TTC23: variants seen among roughly 807,000 people sequenced by gnomAD.
TTC23 encodes the protein tetratricopeptide repeat protein 23.
A neutral mutation model predicts 55.1 loss-of-function variants in TTC23; 58 were observed. The ratio of observed to expected loss-of-function variants is 1.05; its 90% CI spans 0.85 to 1.31. The LOEUF (loss-of-function observed/expected upper bound fraction) is 1.31, where lower values mean the gene tolerates loss of function less well. Among genes scored for constraint, TTC23 ranks in the 50% most tolerant of loss-of-function variants. The pLI, the probability that TTC23 is intolerant of heterozygous loss-of-function variation, is 0.00. For synonymous variants in TTC23, 203 were observed against 199.9 expected (o/e 1.02, Z -0.13); for missense variants, 516 against 534.4 (o/e 0.97, Z 0.34).
intron 2 of TTC23, among the ~76,000 whole-genome samples, chr15:99,242,224 A>G (rs1005375197): frequency 2.6e-5 from 4 of 152,122 alleles, no homozygotes; most frequent in Admixed American, 2.6e-4. Context: ...AAACTTACCC[A>G]TATGTAAGCT....
chr15:99,178,218 AG>A (rs2073786668), intron 9 of TTC23, among the ~76,000 whole-genome samples: 2 of 152,328 alleles, frequency 1.3e-5, no homozygotes, highest in South Asian at 4.1e-4. Flanking sequence ...GAAAGCTTAA[AG>A]GGATCTGAAT....
intron 12 of TTC23, chr15:99,140,580 G>C (rs1427163234): frequency 6.6e-6 from 1 of 152,136 alleles, no homozygotes; most frequent in African/African-American, 2.4e-5. Context: ...ATGTTGGCCA[G>C]GCTGGTCTCA....
chr15:99,243,157 A>G (rs1345393711), intron 2 of TTC23, among the ~76,000 whole-genome samples: 1 of 152,230 alleles, frequency 6.6e-6, no homozygotes, highest in Non-Finnish European at 1.5e-5. Context: ...CCCAATAGGA[A>G]AAAAAATCTA....
intron 12 of TTC23, among the ~76,000 whole-genome samples, chr15:99,147,939 C>T (rs2069150614): frequency 6.6e-6 from 1 of 152,130 alleles, no homozygotes; most frequent in Admixed American, 6.5e-5. Flanking sequence ...GATGGAATTA[C>T]AGGGAACGGA....
At position 99,163,303 on chromosome 15, in the gene TTC23, C is replaced by A. The variant is rs532659450; in HGVS notation, c.866-1436G>T. Among the ~76,000 whole-genome samples, 10 of 152,208 alleles carry A rather than the reference C, an allele frequency of 6.6e-5. No homozygotes were observed. The South Asian group carries it at 2.1e-3, about 32-fold the overall frequency. On this transcript the variant is annotated intron_variant, in intron 10 of 13. Transcript: ENST00000394132. ...GATGGAGAGGGATATAGTGGAAGGA[C>A]CTGAGCAAGAGCAGCCTACGGGAGC...
intron 9 of TTC23, among the ~76,000 whole-genome samples, chr15:99,178,475 A>C (rs572891607): frequency 1.3e-4 from 20 of 152,234 alleles, no homozygotes; most frequent in Non-Finnish European, 2.2e-4. Flanking sequence ...CATTTAATTT[A>C]ATTCAGTCCT....
chr15:99,201,690 G>A (rs2076215054), intron 8 of TTC23, among the ~76,000 whole-genome samples: 2 of 152,236 alleles, frequency 1.3e-5, no homozygotes, highest in African/African-American at 4.8e-5. Context: ...GACTAAGGAG[G>A]GCTACAGCTT....
chr15:99,182,561 TTATGA>T (rs1246691241), intron 9 of TTC23, among the ~76,000 whole-genome samples: 3 of 152,338 alleles, frequency 2.0e-5, no homozygotes, highest in African/African-American at 4.8e-5. Flanking sequence ...TGTTTTGACT[TTATGA>T]TATATTATCA....
chr15:99,139,349 C>CAG lies in TTC23; in HGVS notation c.1192_1193dup (p.Ala399TrpfsTer67). 1 of 1,613,862 alleles carries CAG rather than the reference C, an allele frequency of 6.2e-7. No individual in the cohort carries two copies. On this transcript the variant is annotated frameshift_variant, in exon 13 of 14. Coordinates refer to ENST00000394132, the MANE Select transcript of TTC23 (RefSeq NM_001288615.3). LOFTEE classifies it high-confidence loss of function. ...GCATGCCCATGGCCTGCTGGGTGGC[C>CAG]AGAGTCCTTTTGTCCTGCGGTCCAT...
At position 99,173,347 on chromosome 15, in the gene TTC23, T is replaced by C. The variant is rs1306733458; in HGVS notation, c.865+1703A>G. Among the ~76,000 whole-genome samples the C allele has an allele frequency of 2.0e-5, 3 of 152,308 alleles. No homozygotes were observed. In the East Asian group the frequency reaches 5.8e-4, roughly 29 times the overall value. ...GGCTCATGCCTGTTATCCCAGAGTT[T>C]TGGGAAGCCAAGATGGGAGGGTAGC... On this transcript the variant is annotated intron_variant, in intron 10 of 13. Transcript: ENST00000394132.
At chr15:99,149,912 A>C (rs1555496029) in intron 12 of TTC23, among the ~76,000 whole-genome samples, 1 of 152,142 alleles carries the variant, frequency 6.6e-6, no homozygotes, top group Admixed American at 6.5e-5. Context: ...GTTTCTGTGT[A>C]TCTCTCTTAT....
rs149191017 is a variant in TTC23 at position 99,200,016 on chromosome 15, C to T, written c.662G>A (p.Gly221Asp). 2.5e-4 allele frequency: 403 copies of T among 1,614,036 alleles called. 2 individuals carry two copies. In the South Asian group the frequency reaches 3.0e-3, roughly 12 times the overall value. ...AALEYVEISK[G>D]ETSRECVPIL... ...GGGTACACACTCACGACTTGTTTCA[C>T]CTTTACTGATCTCAACATATTCCAA... The change falls in exon 9 of 14, where the codon GGT becomes GAT. Residue 221 changes from glycine (G) to aspartate (D), a missense_variant. Coordinates refer to ENST00000394132, the MANE Select transcript of TTC23 (RefSeq NM_001288615.3).
intron 4 of TTC23, among the ~76,000 whole-genome samples, chr15:99,230,845 G>T (rs537313134): frequency 6.6e-6 from 1 of 152,294 alleles, no homozygotes; most frequent in South Asian, 2.1e-4. Context: ...AATGTAAAAG[G>T]AAGTCTTTCA....
intron 8 of TTC23, among the ~76,000 whole-genome samples, chr15:99,208,817 A>G (rs938241148): frequency 6.6e-6 from 1 of 152,250 alleles, no homozygotes; most frequent in Admixed American, 6.5e-5. Context: ...TACTTAAAGC[A>G]TCAGTCAATT....
chr15:99,189,518 G>A (rs551313399), intron 9 of TTC23, among the ~76,000 whole-genome samples: 6 of 152,160 alleles, frequency 3.9e-5, no homozygotes, highest in South Asian at 2.1e-4. Context: ...CACCAAGAAT[G>A]GGTGATAAAA....
At chr15:99,141,124 A>G (rs1333668376) in intron 12 of TTC23, 1 of 152,240 alleles carries the variant, frequency 6.6e-6, no homozygotes, top group African/African-American at 2.4e-5. Context: ...TTATATATTG[A>G]TAGTGGGTAT....
In TTC23 at chr15:99,197,043, C is replaced by A. The variant is rs148134463; in HGVS notation, c.759+2876G>T. ...GCATCTCAGTACCTTTTGTAACTGC[C>A]AACTACACTTACTGTTTTTGCTCCC... On this transcript the variant is annotated intron_variant, in intron 9 of 13. Transcript: ENST00000394132. Among the ~76,000 whole-genome samples, 812 of 152,220 alleles carry A rather than the reference C, an allele frequency of 5.3e-3. 3 individuals are homozygous for A. Among genetic ancestry groups the A allele is most frequent in the Middle Eastern group, 0.01 (3 of 294 alleles).
intron 8 of TTC23, among the ~76,000 whole-genome samples, chr15:99,205,289 G>A (rs753874297): frequency 2.6e-5 from 4 of 151,962 alleles, no homozygotes; most frequent in African/African-American, 4.8e-5. Context: ...TGGGACTTTC[G>A]TGGTTCCACA....
At chr15:99,194,794 G>A (rs1432870870) in intron 9 of TTC23, among the ~76,000 whole-genome samples, 1 of 152,118 alleles carries the variant, frequency 6.6e-6, no homozygotes, top group Non-Finnish European at 1.5e-5. Context: ...AATGAGCCGG[G>A]CATGGTGGCA....
Sources: allele counts gnomAD v4.1 joint callset (sites outside exome capture counted in the v4.1 genomes callset), GRCh38; gene constraint gnomAD v4.1.1; transcripts MANE v1.5; gene names NCBI Gene and HGNC (gene_info 2026-07-23, HGNC 2026-07-21).